The following GATA3 variants were observed in gnomAD, a reference collection of about 807,000 sequenced individuals.
GATA3 encodes the protein trans-acting T-cell-specific transcription factor GATA-3.
A neutral mutation model predicts 36.0 loss-of-function variants in GATA3; 6 were observed. The ratio of observed to expected loss-of-function variants is 0.17; its 90% confidence interval spans 0.09 to 0.33. The LOEUF (loss-of-function observed/expected upper bound fraction) is 0.33. Ranked by LOEUF, GATA3 falls within the 10% of genes least tolerant of loss-of-function variation. The probability of loss-of-function intolerance (pLI) is 1.00; values close to 1 mark genes in which losing one functional copy is unlikely to be tolerated. For synonymous variants in GATA3, 326 were observed against 273.0 expected, an observed-to-expected ratio of 1.19 and a Z score of -1.92; for missense variants, 514 against 610.1, an observed-to-expected ratio of 0.84 and a Z score of 1.66.
In GATA3 at chr10:8,074,015, A is replaced by T. The variant is rs2131523180; in HGVS notation, c.1327A>T (p.Met443Leu). The T allele has an allele frequency of 1.9e-6, 3 of 1,614,074 alleles. No individual in the cohort carries two copies. In the South Asian group the frequency reaches 3.3e-5, roughly 18 times the overall value. ...CCACCCCTCCAGCATGGTCACCGCC[A>T]TGGGTTAGAGCCCTGCTCGATGCTC... ...PHHPSSMVTA[M>L]G Residue 443 changes from methionine (M) to leucine (L), a missense_variant, in exon 6 of 6, where the codon ATG becomes TTG. Around this residue, in one of 3 missense-constraint regions of GATA3, gnomAD observed 89 missense variants for 104.2 expected, o/e 0.85. Coordinates refer to ENST00000379328, the MANE Select transcript of GATA3 (RefSeq NM_001002295.2).
Position 8,055,312 on chromosome 10 carries a change from C to T in GATA3, c.-344C>T, listed in dbSNP as rs1832608373. The T allele has an allele frequency of 4.5e-6, 2 of 441,928 alleles. No homozygotes were observed. The highest frequency in any genetic ancestry group is 4.3e-5 in the East Asian group (1 of 23,012). The allele number at this position is 441,928 out of a possible 1,614,324, so 27.4% of individuals were successfully genotyped here. A position where few individuals can be genotyped will look rare whatever the true frequency, so the allele number is the denominator to read the frequency against. The stretch of plus-strand genomic sequence containing the variant: ...GTGACCCGAGGAGGGACTCCGCCTC[C>T]GAGCGGCTGAGGACCCCGGTGCAGA... On this transcript the variant is annotated 5_prime_UTR_variant, in exon 2 of 6. Coordinates refer to ENST00000379328, the MANE Select transcript of GATA3 (RefSeq NM_001002295.2). This position sits in a 1 kb window ranked among gnomAD's most constrained non-coding sequence, Gnocchi z 5.4.
chr10:8,048,976 T>C (rs1307099061), upstream of GATA3, among the ~76,000 whole-genome samples: 1 of 151,306 alleles, frequency 6.6e-6, no homozygotes, highest in African/African-American at 2.4e-5. Flanking sequence ...GCGGGGGGAA[T>C]CTCCCAGCGC....
At chr10:8,048,422 C>CCTGGGT (rs1372986985) in intron 1 of GATA3, among the ~76,000 whole-genome samples, 1 of 152,214 alleles carries the variant, frequency 6.6e-6, no homozygotes, top group Admixed American at 6.5e-5. Flanking sequence ...GGGCCGGAGT[C>CCTGGGT]CTGGGTGCTA....
rs1295021825 is a variant in GATA3, at chr10:8,058,470, C to G, written c.407C>G (p.Ala136Gly). The G allele has an allele frequency of 5.6e-6, 9 of 1,612,666 alleles. No homozygotes were observed. Among genetic ancestry groups the G allele is most frequent in the Non-Finnish European group, 7.6e-6 (9 of 1,179,826 alleles). ...SPGPLSVYPP[A>G]SSSSLSGGHA... ...GGGCCCCTCTCCGTCTACCCCCCGG[C>G]CTCGTCCTCCTCCTTGTCGGGGGGC... The change falls in exon 3 of 6, where the codon GCC becomes GGC. Residue 136 changes from alanine to glycine, a missense_variant. Transcript: ENST00000379328.
Position 8,055,386 on chromosome 10 carries a change from G to C in GATA3, c.-270G>C, listed in dbSNP as rs2131481178. 1.8e-6 allele frequency: 1 copy of C among 551,138 alleles called. No individual in the cohort carries two copies. The highest frequency in any genetic ancestry group is 4.9e-4 in the Middle Eastern group (1 of 2,040). The allele number at this position is 551,138 out of a possible 1,614,324, so 34.1% of individuals were successfully genotyped here. A position where few individuals can be genotyped will look rare whatever the true frequency, so the allele number is the denominator to read the frequency against. ...GAGTCGTCGCCCCTTTTTACAACCT[G>C]GTCCCGTTTTATTCTGCCGTACCCA... On this transcript the variant is annotated 5_prime_UTR_variant, in exon 2 of 6. Transcript: ENST00000379328. The surrounding 1 kb of genome is among the most constrained non-coding windows in gnomAD (Gnocchi z 5.4).
intron 3 of GATA3, among the ~76,000 whole-genome samples, chr10:8,063,437 A>G (rs1564401254): frequency 6.6e-6 from 1 of 152,176 alleles, no homozygotes; most frequent in Admixed American, 6.5e-5. Flanking sequence ...AGTGAAATCA[A>G]TCAGCCGATT....
intron 4 of GATA3, 70 bp from the exon 5 acceptor site, chr10:8,069,403 G>C (rs1357955550): frequency 7.5e-7 from 1 of 1,341,032 alleles, no homozygotes; most frequent in Non-Finnish European, 1.1e-6. Flanking sequence ...TTTCAAGCCT[G>C]TCTTCATAGT....
chr10:8,066,516 T>C (rs1041168506), intron 4 of GATA3, among the ~76,000 whole-genome samples: 2 of 152,126 alleles, frequency 1.3e-5, no homozygotes, highest in African/African-American at 4.8e-5. Context: ...TTTTCTTCTT[T>C]CCTGTATTCC....
chr10:8,046,538 C>T (rs1044929200), intron 1 of GATA3, among the ~76,000 whole-genome samples: 1 of 152,122 alleles, frequency 6.6e-6, no homozygotes, highest in Non-Finnish European at 1.5e-5. Context: ...CTAGCGGCTG[C>T]TGCCGAGAAG....
At chr10:8,050,978 C>T (rs1217268344), upstream of GATA3, 6 of 490,264 alleles carry the variant, frequency 1.2e-5, no homozygotes, top group South Asian at 4.5e-5. Context: ...CTGGAAGCGC[C>T]GGTTGCCTGG....
chr10:8,072,524 AG>A (rs1488300337), intron 5 of GATA3, among the ~76,000 whole-genome samples: 1 of 152,152 alleles, frequency 6.6e-6, no homozygotes, highest in African/African-American at 2.4e-5. Flanking sequence ...TACTTTGTAA[AG>A]TTTCCTTTCT....
At chr10:8,051,869 A>G (rs1832502416), upstream of GATA3, among the ~76,000 whole-genome samples, 1 of 150,302 alleles carries the variant, frequency 6.7e-6, no homozygotes, top group African/African-American at 2.5e-5. Flanking sequence ...TCTCCGCCTC[A>G]GGCCACGCGC....
In GATA3 at chr10:8,055,063, G is replaced by C. The variant is rs940443650; in HGVS notation, c.-370+172G>C. Reference sequence around the variant, plus strand: ...GAGGGAGGGACTTGCCCTCCAAGTCGTAACAGTCAGCCCTGGGACTTGCCC... The same window carrying C: ...GAGGGAGGGACTTGCCCTCCAAGTCCTAACAGTCAGCCCTGGGACTTGCCC... On this transcript the variant is annotated intron_variant, in intron 1 of 5. Coordinates refer to ENST00000379328, the MANE Select transcript of GATA3 (RefSeq NM_001002295.2). The surrounding 1 kb of genome is among the most constrained non-coding windows in gnomAD (Gnocchi z 5.4). 6.6e-6 allele frequency among the ~76,000 whole-genome samples: 1 copy of C among 152,058 alleles called. No individual in the cohort carries two copies. The highest frequency in any genetic ancestry group is 1.5e-5 in the Non-Finnish European group (1 of 67,962).
In GATA3 at chr10:8,054,906, C is replaced by CTT. The variant is rs397846644; in HGVS notation, c.-370+27_-370+28dup. On this transcript the variant is annotated intron_variant, in intron 1 of 5. Transcript: ENST00000379328. The surrounding 1 kb of genome is among the most constrained non-coding windows in gnomAD (Gnocchi z 4.2). ...TCGCTACCCAGGTTGGTACTGGTGA[C>CTT]TTTTTTTTTTTTTAAGTTTGATTTT... The CTT allele has an allele frequency of 6.8e-3, 990 of 146,372 alleles. 15 individuals carry two copies. Among genetic ancestry groups the CTT allele is most frequent in the African/African-American group, 0.024 (953 of 39,782 alleles). 9.1% of individuals were successfully genotyped at this position (146,372 alleles called of 1,614,324 possible).
chr10:8,070,884 C>T (rs544252666), intron 5 of GATA3, among the ~76,000 whole-genome samples: 1 of 152,126 alleles, frequency 6.6e-6, no homozygotes, highest in Admixed American at 6.6e-5. Flanking sequence ...GGACTGTGGT[C>T]TATATACATT....
chr10:8,061,068 T>C (rs547353318), intron 3 of GATA3, among the ~76,000 whole-genome samples: 1 of 141,352 alleles, frequency 7.1e-6, no homozygotes, highest in East Asian at 2.1e-4. Context: ...TAGTGGTTGC[T>C]CTCTCTCTCT....
chr10:8,067,036 TA>T (rs147109616), intron 4 of GATA3, among the ~76,000 whole-genome samples: 30,479 of 145,486 alleles, frequency 0.21, 3,168 homozygotes, highest in East Asian at 0.26. Context: ...GTAGCTCTTC[TA>T]AAAAAAAAAA....
In GATA3 at chr10:8,073,950, C is replaced by T. The variant is rs374919553; in HGVS notation, c.1262C>T (p.Thr421Met). The stretch of plus-strand genomic sequence containing the variant: ...TCCAGCCACATGCTGACCACGCCCA[C>T]GCCGATGCACCCGCCATCCAGCCTG... ...SHSSHMLTTPTPMHPPSSLSF... is the reference protein window; with the variant it reads ...SHSSHMLTTPMPMHPPSSLSF... Residue 421 changes from threonine (T) to methionine (M), a missense_variant, in exon 6 of 6, where the codon ACG becomes ATG. Thr to Met is a moderately conservative substitution (Grantham distance 81). This residue lies in a region of GATA3 where 89 missense variants were observed against 104.2 expected (regional missense o/e 0.85). Coordinates refer to ENST00000379328, the MANE Select transcript of GATA3 (RefSeq NM_001002295.2). 27 of 1,614,038 alleles carry T rather than the reference C, an allele frequency of 1.7e-5. No homozygotes were observed. Among genetic ancestry groups the T allele is most frequent in the East Asian group, 2.2e-5 (1 of 44,884 alleles).
At position 8,054,906 on chromosome 10, in the gene GATA3, CT is replaced by C. The variant is rs397846644; in HGVS notation, c.-370+28del. The C allele has an allele frequency of 0.08, 11,647 of 146,080 alleles. 472 individuals carry two copies. Among genetic ancestry groups the C allele is most frequent in the Non-Finnish European group, 0.091 (6,026 of 66,228 alleles). The allele number at this position is 146,080 out of a possible 1,614,324, so 9.0% of individuals were successfully genotyped here. On this transcript the variant is annotated intron_variant, in intron 1 of 5. Coordinates refer to ENST00000379328, the MANE Select transcript of GATA3 (RefSeq NM_001002295.2). This position sits in a 1 kb window ranked among gnomAD's most constrained non-coding sequence, Gnocchi z 4.2. The stretch of plus-strand genomic sequence containing the variant: ...TCGCTACCCAGGTTGGTACTGGTGA[CT>C]TTTTTTTTTTTTAAGTTTGATTTTT...
Sources: allele counts gnomAD v4.1 joint callset (sites outside exome capture counted in the v4.1 genomes callset), GRCh38; gene constraint gnomAD v4.1.1; regional missense constraint gnomAD v4.1.1; non-coding constraint Gnocchi (gnomAD v3.1); transcripts MANE v1.5; gene names NCBI Gene and HGNC (gene_info 2026-07-23, HGNC 2026-07-21).